Variants in NME7 observed in about 807,000 individuals in gnomAD.
The protein encoded by NME7 is NME/NM23 family member 7.
A neutral mutation model predicts 49.1 loss-of-function variants in NME7; 41 were observed. That is an observed-to-expected ratio of 0.83 (90% CI 0.65 to 1.08). NME7 has a LOEUF of 1.08. NME7 is among the 50% of genes least tolerant of loss of function. NME7 has a pLI of 0.00. For missense variants in NME7, 423 were observed against 463.4 expected, an observed-to-expected ratio of 0.91 and a Z score of 0.80; for synonymous variants, 139 against 150.6, an observed-to-expected ratio of 0.92 and a Z score of 0.56.
chr1:169,296,333 CTTAT>C (rs1449500825), intron 6 of NME7, among the ~76,000 whole-genome samples: 1 of 152,142 alleles, frequency 6.6e-6, no homozygotes. Flanking sequence ...TCTTACTTGC[CTTAT>C]TTGACACCAC....
intron 11 of NME7, among the ~76,000 whole-genome samples, chr1:169,158,544 T>C (rs1387895297): frequency 6.6e-6 from 1 of 152,122 alleles, no homozygotes; most frequent in Non-Finnish European, 1.5e-5. Flanking sequence ...TCTATAGATA[T>C]AAGGAGCTCA....
At chr1:169,188,213 A>G (rs1476425622) in intron 10 of NME7, among the ~76,000 whole-genome samples, 1 of 152,058 alleles carries the variant, frequency 6.6e-6, no homozygotes, top group African/African-American at 2.4e-5. Context: ...TGGAGAGTAC[A>G]TCAGAAAATA....
intron 6 of NME7, among the ~76,000 whole-genome samples, chr1:169,292,853 A>C (rs951790613): frequency 5.3e-5 from 8 of 152,164 alleles, no homozygotes; most frequent in African/African-American, 1.9e-4. Context: ...AGAGAAAGGG[A>C]ATAATTCAAG....
At chr1:169,351,207 C>T (rs986278528) in intron 1 of NME7, among the ~76,000 whole-genome samples, 23 of 151,856 alleles carry the variant, frequency 1.5e-4, no homozygotes, top group African/African-American at 4.6e-4. Context: ...TACAATTTAG[C>T]GCCTACAATC....
intron 1 of NME7, among the ~76,000 whole-genome samples, chr1:169,328,012 C>CAATCAA (rs1652126253): frequency 6.6e-6 from 1 of 152,144 alleles, no homozygotes; most frequent in Non-Finnish European, 1.5e-5. Flanking sequence ...CTATGATCAT[C>CAATCAA]AATCAACAAA....
chr1:169,342,977 A>ATG (rs1488608307), intron 1 of NME7, among the ~76,000 whole-genome samples: 4 of 98,532 alleles, frequency 4.1e-5, no homozygotes, highest in Non-Finnish European at 9.4e-5. Context: ...ATATACAAGT[A>ATG]CATATATATA....
chr1:169,146,137 C>T (rs1658741868), intron 11 of NME7, among the ~76,000 whole-genome samples: 1 of 152,120 alleles, frequency 6.6e-6, no homozygotes, highest in Admixed American at 6.6e-5. Flanking sequence ...CTATGTATGT[C>T]CATGTGTAAC....
intron 10 of NME7, among the ~76,000 whole-genome samples, chr1:169,184,396 G>T (rs1660012354): frequency 6.6e-6 from 1 of 152,056 alleles, no homozygotes; most frequent in Non-Finnish European, 1.5e-5. Flanking sequence ...GTGAATGCTG[G>T]GCATCTCTAA....
intron 1 of NME7, among the ~76,000 whole-genome samples, chr1:169,350,202 A>G (rs961405162): frequency 1.4e-5 from 2 of 145,034 alleles, no homozygotes; most frequent in Non-Finnish European, 3.0e-5. Flanking sequence ...AAAGGAAGGA[A>G]AGAAAGGAAA....
chr1:169,159,555 T>C (rs935647792), intron 11 of NME7, among the ~76,000 whole-genome samples: 38 of 152,224 alleles, frequency 2.5e-4, no homozygotes, highest in African/African-American at 8.7e-4. Flanking sequence ...GAGATTCTTC[T>C]TCCCTTCCCC....
intron 11 of NME7, among the ~76,000 whole-genome samples, chr1:169,161,426 G>T (rs1232142939): frequency 1.3e-5 from 2 of 152,186 alleles, no homozygotes; most frequent in African/African-American, 4.8e-5. Context: ...AGAAATTGGG[G>T]CCTGTCCAAT....
At chr1:169,187,568 C>A (rs1451925499) in intron 10 of NME7, among the ~76,000 whole-genome samples, 1 of 151,946 alleles carries the variant, frequency 6.6e-6, no homozygotes, top group East Asian at 1.9e-4. Context: ...GGATTGCGAA[C>A]CCTGCTTTTT....
At chr1:169,226,692 G>A (rs892854280) in intron 10 of NME7, among the ~76,000 whole-genome samples, 4 of 152,182 alleles carry the variant, frequency 2.6e-5, no homozygotes, top group African/African-American at 9.6e-5. Flanking sequence ...CAGGTTTTAA[G>A]ATAAAAAGTA....
rs1317988168 is a variant in NME7 at position 169,267,572 on chromosome 1, A to G, written c.754+19731T>C. Among the ~76,000 whole-genome samples the G allele has an allele frequency of 1.5e-5, 2 of 133,616 alleles. 1 individual carries two copies. Among genetic ancestry groups the G allele is most frequent in the Non-Finnish European group, 3.5e-5 (2 of 56,888 alleles). 87.7% of individuals were successfully genotyped at this position (133,616 alleles called of 152,430 possible). A position where few individuals can be genotyped will look rare whatever the true frequency, so the allele number is the denominator to read the frequency against. On this transcript the variant is annotated intron_variant, in intron 7 of 11. Coordinates refer to ENST00000367811, the MANE Select transcript of NME7 (RefSeq NM_013330.5). ...ACATGGTACTGGTATAAAAACAGAC[A>G]CACAGACCAATGGAGCAGGATAGAG...
In NME7 at chr1:169,164,546, G is replaced by C. The variant is rs561181117; in HGVS notation, c.1098+4901C>G. Among the ~76,000 whole-genome samples, 5 of 152,288 alleles carry C rather than the reference G, an allele frequency of 3.3e-5. No individual in the cohort carries two copies. In the East Asian group the frequency reaches 9.6e-4, roughly 29 times the overall value. On this transcript the variant is annotated intron_variant, in intron 11 of 11. Coordinates refer to ENST00000367811, the MANE Select transcript of NME7 (RefSeq NM_013330.5). ...CTACGCATAGTGAGATGAGTAACTT[G>C]CCCAGGAGTACAGAGCTATTTTGAC...
chr1:169,311,025 T>C (rs1651360384), intron 3 of NME7, among the ~76,000 whole-genome samples: 1 of 152,222 alleles, frequency 6.6e-6, no homozygotes, highest in Non-Finnish European at 1.5e-5. Flanking sequence ...GTTGTTCTTA[T>C]AACACTGGCA....
chr1:169,198,731 T>A (rs1014239967), intron 10 of NME7, among the ~76,000 whole-genome samples: 1 of 152,094 alleles, frequency 6.6e-6, no homozygotes, highest in African/African-American at 2.4e-5. Context: ...AGGCAAATGA[T>A]AGCCAAAAGG....
intron 11 of NME7, among the ~76,000 whole-genome samples, chr1:169,149,196 C>T (rs1422335431): frequency 2.0e-5 from 3 of 152,112 alleles, no homozygotes; most frequent in African/African-American, 7.2e-5. Context: ...CAAACAATAG[C>T]CGGGTGTGGT....
chr1:169,345,576 G>A (rs1376624515), intron 1 of NME7, among the ~76,000 whole-genome samples: 2 of 151,904 alleles, frequency 1.3e-5, no homozygotes, highest in African/African-American at 2.4e-5. Flanking sequence ...TTGCTGATTT[G>A]AAACCTCTCT....
Sources: allele counts gnomAD v4.1 joint callset (sites outside exome capture counted in the v4.1 genomes callset), GRCh38; gene constraint gnomAD v4.1.1; transcripts MANE v1.5; gene names NCBI Gene and HGNC (gene_info 2026-07-23, HGNC 2026-07-21).